Variants in PPM1B observed in about 807,000 individuals in gnomAD.
PPM1B encodes protein phosphatase, Mg2+/Mn2+ dependent 1B, also known as protein phosphatase 1B.
In PPM1B, 22 loss-of-function variants were observed where a neutral mutation model predicts 43.0. The observed-to-expected ratio is 0.51, with a 90% CI of 0.37 to 0.73. PPM1B has a LOEUF of 0.73. Ranked by LOEUF, PPM1B falls within the 30% of genes least tolerant of loss-of-function variation. The probability of loss-of-function intolerance (pLI) is 0.00; values close to 1 mark genes in which losing one functional copy is unlikely to be tolerated. For synonymous variants in PPM1B, 217 were observed against 197.9 expected, an observed-to-expected ratio of 1.10 and a Z score of -0.81; for missense variants, 632 against 584.2, an observed-to-expected ratio of 1.08 and a Z score of -0.84.
downstream of PPM1B, chr2:44,232,273 G>A (rs769826878): frequency 3.8e-6 from 6 of 1,590,238 alleles, no homozygotes; most frequent in South Asian, 1.2e-5. Context: ...ATCTGGAAGT[G>A]GCATAGGTAA....
intron 1 of PPM1B, among the ~76,000 whole-genome samples, chr2:44,181,138 T>G (rs918385180): frequency 6.6e-6 from 1 of 152,020 alleles, no homozygotes; most frequent in Non-Finnish European, 1.5e-5. Flanking sequence ...ATAGACAGAG[T>G]CTCAGTATGT....
intron 1 of PPM1B, among the ~76,000 whole-genome samples, chr2:44,177,110 C>G (rs1667617639): frequency 6.6e-6 from 1 of 152,094 alleles, no homozygotes; most frequent in Non-Finnish European, 1.5e-5. Flanking sequence ...TTTTGTAATT[C>G]TGTTACTTTA....
chr2:44,169,616 G>A (rs191638954), intron 1 of PPM1B, among the ~76,000 whole-genome samples: 1 of 152,358 alleles, frequency 6.6e-6, no homozygotes, highest in African/African-American at 2.4e-5. Flanking sequence ...AAGCACTGGG[G>A]CTACCCCAAG....
Position 44,230,891 on chromosome 2 carries a change from A to G in PPM1B, c.*173A>G, listed in dbSNP as rs573412338. ...TGCATACACCTTTATGAGATAGTGT[A>G]AAATTGACTATTTATAGTACTATGG... On this transcript the variant is annotated 3_prime_UTR_variant, in exon 6 of 6. Transcript: ENST00000282412. The G allele has an allele frequency of 7.4e-7, 1 of 1,351,596 alleles. No individual in the cohort carries two copies. Among genetic ancestry groups the G allele is most frequent in the East Asian group, 2.7e-5 (1 of 37,158 alleles). The allele number at this position is 1,351,596 out of a possible 1,614,324, so 83.7% of individuals were successfully genotyped here.
intron 1 of PPM1B, among the ~76,000 whole-genome samples, chr2:44,192,054 T>C (rs934328546): frequency 6.6e-6 from 1 of 152,050 alleles, no homozygotes; most frequent in Non-Finnish European, 1.5e-5. Flanking sequence ...TGAGTCTGTT[T>C]GGTTTTTGTG....
intron 5 of PPM1B, among the ~76,000 whole-genome samples, chr2:44,243,333 G>C (rs1175858431): frequency 6.6e-6 from 1 of 152,116 alleles, no homozygotes; most frequent in Non-Finnish European, 1.5e-5. Flanking sequence ...TTTACATACA[G>C]TAAACTACAA....
chr2:44,177,915 CTTT>C (rs746113686), intron 1 of PPM1B, among the ~76,000 whole-genome samples: 2 of 106,262 alleles, frequency 1.9e-5, no homozygotes, highest in African/African-American at 3.4e-5. Context: ...TAGAACAGTT[CTTT>C]TTTTTTTTTT....
rs115376457 is a variant in PPM1B at position 44,194,807 on chromosome 2, G to A, written c.-14-6379G>A. On this transcript the variant is annotated intron_variant, in intron 1 of 5. Transcript: ENST00000282412. ...GTTTATATCACTGGTTTTCTGTAAG[G>A]CTTCTTGCTCTGGTCCTCAGCTAAA... Among the ~76,000 whole-genome samples, 1,429 of 151,904 alleles carry A rather than the reference G, an allele frequency of 9.4e-3. 26 individuals are homozygous for A. Among genetic ancestry groups the A allele is most frequent in the African/African-American group, 0.033 (1,370 of 41,408 alleles).
At chr2:44,170,648 CTG>C (rs1385908028) in intron 1 of PPM1B, among the ~76,000 whole-genome samples, 1 of 152,186 alleles carries the variant, frequency 6.6e-6, no homozygotes, top group African/African-American at 2.4e-5. Context: ...TTTACTTTCT[CTG>C]TTGTGCAATA....
At chr2:44,234,212 A>G, downstream of PPM1B, 1 of 983,654 alleles carries the variant, frequency 1.0e-6, no homozygotes, top group Non-Finnish European at 1.2e-6. Flanking sequence ...AGAAATATTT[A>G]TACTCCTTTT....
exon 6 of PPM1B, chr2:44,244,330 A>G (rs754852259): frequency 1.5e-6 from 2 of 1,361,948 alleles, no homozygotes; most frequent in Non-Finnish European, 2.0e-6. Context: ...CACGCGGACA[A>G]AAAGGTTTTT....
At chr2:44,242,476 T>C (rs1233930867) in intron 5 of PPM1B, among the ~76,000 whole-genome samples, 2 of 152,200 alleles carry the variant, frequency 1.3e-5, no homozygotes, top group African/African-American at 4.8e-5. Context: ...ATTTTCCATA[T>C]GTTTGAATTT....
intron 1 of PPM1B, among the ~76,000 whole-genome samples, chr2:44,178,606 T>C (rs915529384): frequency 2.0e-4 from 30 of 151,910 alleles, no homozygotes; most frequent in African/African-American, 7.0e-4. Context: ...GTAGCTGGGA[T>C]TACAGGCACC....
rs1267427476 is a variant in PPM1B, at chr2:44,168,932, G to A, written c.-357G>A. On this transcript the variant is annotated 5_prime_UTR_variant, in exon 1 of 6. Coordinates refer to ENST00000282412, the MANE Select transcript of PPM1B (RefSeq NM_002706.6). ...CGGAAAAGCCGCCGGTGCTCTGACG[G>A]CCTCGTTCCCCTAGCAGTTGCGGGG... 1.3e-5 allele frequency: 2 copies of A among 153,724 alleles called. No homozygotes were observed. The highest frequency in any genetic ancestry group is 1.8e-4 in the South Asian group (1 of 5,454). 9.5% of individuals were successfully genotyped at this position (153,724 alleles called of 1,614,324 possible). A position where few individuals can be genotyped will look rare whatever the true frequency, so the allele number is the denominator to read the frequency against.
chr2:44,230,678 A>C lies in PPM1B; in HGVS notation c.1400A>C (p.Asn467Thr). ...ESGLAELDSS[N>T]EDAGTKMSGE... is the part of the protein sequence containing the mutation. ...GGTCTTGCTGAATTAGACAGCTCTA[A>C]TGAAGATGCAGGGACAAAGATGAGT... Residue 467 changes from asparagine (N) to threonine (T), a missense_variant, in exon 6 of 6, where the codon AAT (asparagine) becomes ACT (threonine). Asn to Thr is a moderately conservative substitution (Grantham distance 65). Coordinates refer to ENST00000282412, the MANE Select transcript of PPM1B (RefSeq NM_002706.6). 1 of 1,613,680 alleles carries C rather than the reference A, an allele frequency of 6.2e-7. No homozygotes were observed. Among genetic ancestry groups the C allele is most frequent in the East Asian group, 2.2e-5 (1 of 44,876 alleles).
chr2:44,225,889 A>G (rs1159485560), intron 5 of PPM1B, among the ~76,000 whole-genome samples: 1 of 151,840 alleles, frequency 6.6e-6, no homozygotes, highest in Non-Finnish European at 1.5e-5. Flanking sequence ...CTCCTGAACT[A>G]AAGTGATCCA....
chr2:44,241,222 C>G (rs1211437015), intron 5 of PPM1B, among the ~76,000 whole-genome samples: 1 of 140,926 alleles, frequency 7.1e-6, no homozygotes, highest in Non-Finnish European at 1.6e-5. Flanking sequence ...AGGCTGGTCT[C>G]GAACTCCCGA....
chr2:44,229,569 C>A (rs577854638), intron 5 of PPM1B, among the ~76,000 whole-genome samples: 15 of 152,264 alleles, frequency 9.9e-5, no homozygotes, highest in African/African-American at 3.6e-4. Flanking sequence ...ATCCTCTATT[C>A]CCTTTTTTCC....
intron 1 of PPM1B, among the ~76,000 whole-genome samples, chr2:44,172,843 G>A (rs1382068487): frequency 6.6e-6 from 1 of 152,200 alleles, no homozygotes; most frequent in Non-Finnish European, 1.5e-5. Flanking sequence ...GGAGGTCAAA[G>A]CTGCAGCGAG....
Sources: allele counts gnomAD v4.1 joint callset (sites outside exome capture counted in the v4.1 genomes callset), GRCh38; gene constraint gnomAD v4.1.1; transcripts MANE v1.5; gene names NCBI Gene and HGNC (gene_info 2026-07-23, HGNC 2026-07-21).